RBFOX1: variants seen among roughly 807,000 people sequenced by gnomAD.
RBFOX1 encodes RNA binding fox-1 homolog 1.
A neutral mutation model predicts 57.7 loss-of-function variants in RBFOX1; 8 were observed. That is an observed-to-expected ratio of 0.14 (90% CI 0.08 to 0.25). RBFOX1 has a LOEUF of 0.25. Among genes scored for constraint, RBFOX1 ranks in the 10% least tolerant of loss-of-function variants. RBFOX1 has a pLI of 1.00. For synonymous variants in RBFOX1, 326 were observed against 222.4 expected, an observed-to-expected ratio of 1.47 and a Z score of -4.15; for missense variants, 611 against 548.5, an observed-to-expected ratio of 1.11 and a Z score of -1.14.
At chr16:7,688,776 G>A (rs1339617212) in intron 14 of RBFOX1, among the ~76,000 whole-genome samples, 1 of 152,026 alleles carries the variant, frequency 6.6e-6, no homozygotes, top group African/African-American at 2.4e-5. Flanking sequence ...ACAGACCATG[G>A]CATATGCCAT....
chr16:6,807,914 G>GTATATATA (rs932439939), intron 3 of RBFOX1, among the ~76,000 whole-genome samples: 29 of 132,162 alleles, frequency 2.2e-4, no homozygotes, highest in African/African-American at 8.0e-4. Flanking sequence ...GTGTGTGTGT[G>GTATATATA]TATATATATA....
At chr16:7,043,161 AGGGTCTCAGCTCC>A (rs1160787733) in intron 3 of RBFOX1, among the ~76,000 whole-genome samples, 4 of 152,094 alleles carry the variant, frequency 2.6e-5, no homozygotes, top group Admixed American at 2.6e-4. Context: ...GGTTAGATCA[AGGGTCTCAGCTCC>A]AGAAACAACT....
chr16:7,380,432 C>G (rs973574507), intron 4 of RBFOX1, among the ~76,000 whole-genome samples: 1 of 152,198 alleles, frequency 6.6e-6, no homozygotes, highest in Non-Finnish European at 1.5e-5. Flanking sequence ...TCTGTTACCA[C>G]TTAAAAATAG....
chr16:7,365,099 A>T (rs72771107), intron 4 of RBFOX1, among the ~76,000 whole-genome samples: 25 of 152,240 alleles, frequency 1.6e-4, no homozygotes, highest in African/African-American at 5.8e-4. Context: ...CCATCCATCT[A>T]TCCATCCCAA....
intron 5 of RBFOX1, among the ~76,000 whole-genome samples, chr16:7,572,865 A>AT (rs2092935189): frequency 6.6e-6 from 1 of 151,946 alleles, no homozygotes; most frequent in Non-Finnish European, 1.5e-5. Context: ...AAATAAATAA[A>AT]ATGAACCAGC....
chr16:6,077,663 G>A (rs550592500), intron 1 of RBFOX1, among the ~76,000 whole-genome samples: 20 of 130,494 alleles, frequency 1.5e-4, no homozygotes, highest in African/African-American at 5.1e-4. Context: ...GCGCTCTTGC[G>A]TCAACCTTGC....
intron 3 of RBFOX1, among the ~76,000 whole-genome samples, chr16:5,768,708 C>T (rs1311486123): frequency 6.6e-6 from 1 of 152,042 alleles, no homozygotes; most frequent in East Asian, 1.9e-4. Flanking sequence ...GAGCCCAGCC[C>T]ACGTAGGTGC....
rs755253534 is a variant in RBFOX1, at chr16:7,653,843, C to T, written c.786C>T (p.Thr262=). The T allele has an allele frequency of 2.2e-5, 35 of 1,606,930 alleles. No individual in the cohort carries two copies. The highest frequency in any genetic ancestry group is 1.6e-4 in the Middle Eastern group (1 of 6,064). ...AMPGFPYPAA[T]AAAAYRGAHL... Reference sequence around the variant, plus strand: ...CAGGCTTCCCGTATCCAGCAGCCACCGCCGCGGCCGCCTACCGAGGGGCGC... The same window carrying T: ...CAGGCTTCCCGTATCCAGCAGCCACTGCCGCGGCCGCCTACCGAGGGGCGC... Residue 262 remains threonine, a synonymous_variant, in exon 12 of 16, where the codon ACC becomes ACT. Coordinates refer to ENST00000550418, the MANE Select transcript of RBFOX1 (RefSeq NM_018723.4).
intron 1 of RBFOX1, among the ~76,000 whole-genome samples, chr16:6,085,417 T>C (rs1237563892): frequency 6.6e-6 from 1 of 152,046 alleles, no homozygotes; most frequent in Non-Finnish European, 1.5e-5. Flanking sequence ...GGAGTACAGG[T>C]ATGCGCCGCT....
Position 6,780,093 on chromosome 16 carries a change from A to T in RBFOX1, c.-16+125443A>T, listed in dbSNP as rs547269682. ...TATATTTACATATTTATATATATTT[A>T]TATATTTTTATATATTTATATATAT... On this transcript the variant is annotated intron_variant, in intron 3 of 15. Transcript: ENST00000550418. Among the ~76,000 whole-genome samples, 2 of 41,076 alleles carry T rather than the reference A, an allele frequency of 4.9e-5. 1 individual carries two copies. Among genetic ancestry groups the T allele is most frequent in the Non-Finnish European group, 7.0e-5 (2 of 28,478 alleles). The allele number at this position is 41,076 out of a possible 152,430, so 26.9% of individuals were successfully genotyped here. A position where few individuals can be genotyped will look rare whatever the true frequency, so the allele number is the denominator to read the frequency against.
intron 1 of RBFOX1, among the ~76,000 whole-genome samples, chr16:6,211,820 T>TTTTTA (rs768227696): frequency 3.5e-5 from 5 of 140,876 alleles, no homozygotes; most frequent in African/African-American, 1.4e-4. Flanking sequence ...GGAATACATC[T>TTTTTA]TTTATTTATT....
At chr16:7,005,506 G>A (rs183353486) in intron 3 of RBFOX1, among the ~76,000 whole-genome samples, 50 of 152,286 alleles carry the variant, frequency 3.3e-4, no homozygotes, top group East Asian at 1.7e-3. Context: ...GCAGGTGAAC[G>A]AGAAAATTGG....
At chr16:6,879,590 G>C (rs1163214307) in intron 3 of RBFOX1, among the ~76,000 whole-genome samples, 1 of 152,200 alleles carries the variant, frequency 6.6e-6, no homozygotes, top group Non-Finnish European at 1.5e-5. Context: ...CATTTTTAAA[G>C]CCAGTATCAT....
rs1465923564 is a variant in RBFOX1 at position 6,365,784 on chromosome 16, A to G, written c.-64+48727A>G. ...CTCAAGATGGTTAACCTCAGTATCCATGTCTGTAAAATGGAAAAATGTTTT... is the reference window on the plus strand; with the variant it reads ...CTCAAGATGGTTAACCTCAGTATCCGTGTCTGTAAAATGGAAAAATGTTTT... On this transcript the variant is annotated intron_variant, in intron 2 of 15. Transcript: ENST00000550418. Among the ~76,000 whole-genome samples, 4 of 152,218 alleles carry G rather than the reference A, an allele frequency of 2.6e-5. No homozygotes were observed. In the East Asian group the frequency reaches 7.7e-4, roughly 29 times the overall value.
At chr16:5,988,341 G>A (rs1003313317) in intron 4 of RBFOX1, among the ~76,000 whole-genome samples, 5 of 152,102 alleles carry the variant, frequency 3.3e-5, no homozygotes, top group African/African-American at 1.2e-4. Context: ...ATAAGGAGTT[G>A]GACACAGCCA....
intron 2 of RBFOX1, among the ~76,000 whole-genome samples, chr16:6,517,429 CCTT>C (rs1380009403): frequency 2.0e-5 from 3 of 152,258 alleles, no homozygotes; most frequent in South Asian, 4.1e-4. Context: ...CTCTCTTTCT[CCTT>C]CTCTGCTGGA....
At chr16:6,977,206 T>C (rs933795403) in intron 3 of RBFOX1, among the ~76,000 whole-genome samples, 6 of 118,496 alleles carry the variant, frequency 5.1e-5, no homozygotes, top group African/African-American at 2.2e-4. Context: ...ATATGTTTTA[T>C]CATATATATT....
intron 3 of RBFOX1, among the ~76,000 whole-genome samples, chr16:5,629,754 G>A (rs1449801119): frequency 3.3e-5 from 5 of 152,196 alleles, no homozygotes; most frequent in Non-Finnish European, 7.3e-5. Flanking sequence ...AGGACCTGAC[G>A]TCAGTGGTGA....
chr16:6,379,943 G>C (rs1163964816), intron 2 of RBFOX1, among the ~76,000 whole-genome samples: 1 of 152,110 alleles, frequency 6.6e-6, no homozygotes, highest in Non-Finnish European at 1.5e-5. Flanking sequence ...CAGGAGAGGG[G>C]GTGTCCACAT....
Sources: gnomAD v4.1 joint callset for allele counts (sites outside exome capture counted in the v4.1 genomes callset) on GRCh38, gnomAD v4.1.1 for gene constraint, MANE v1.5 for transcripts, NCBI Gene and HGNC (gene_info 2026-07-23, HGNC 2026-07-21) for gene names.